Variants in MALRD1 observed in about 807,000 individuals in gnomAD.
MALRD1 encodes the protein MAM and LDL-receptor class A domain-containing protein 1.
In MALRD1, 247 loss-of-function variants were observed where a neutral mutation model predicts 242.1. That is an observed-to-expected ratio of 1.02 (90% CI 0.92 to 1.13). The LOEUF is 1.13. Among genes scored for constraint, MALRD1 ranks in the 50% most tolerant of loss-of-function variants. The pLI, the probability that MALRD1 is intolerant of heterozygous loss-of-function variation, is 0.00. For synonymous variants in MALRD1, 995 were observed against 866.6 expected (o/e 1.15, Z -2.60); for missense variants, 2,989 against 2,533.1 (o/e 1.18, Z -3.86).
chr10:19,121,213 G>A (rs1049515956), intron 5 of MALRD1, among the ~76,000 whole-genome samples: 1 of 151,472 alleles, frequency 6.6e-6, no homozygotes, highest in Non-Finnish European at 1.5e-5. Context: ...GCTAATTTTT[G>A]TATTTTTAGT....
At chr10:19,239,435 C>T (rs1838658957) in intron 18 of MALRD1, among the ~76,000 whole-genome samples, 1 of 151,954 alleles carries the variant, frequency 6.6e-6, no homozygotes, top group African/African-American at 2.4e-5. Context: ...ATATTGTATC[C>T]CATTCTGTAA....
At chr10:19,631,640 C>T (rs1839909792) in intron 36 of MALRD1, among the ~76,000 whole-genome samples, 3 of 152,130 alleles carry the variant, frequency 2.0e-5, no homozygotes, top group Non-Finnish European at 1.5e-5. Flanking sequence ...TTCTCCATAA[C>T]CTCACCAGCA....
chr10:19,158,677 C>T (rs1487862676), intron 12 of MALRD1, among the ~76,000 whole-genome samples: 8 of 152,140 alleles, frequency 5.3e-5, no homozygotes, highest in Admixed American at 4.6e-4. Flanking sequence ...TCACAGTCCT[C>T]GATGCAGGGA....
intron 33 of MALRD1, among the ~76,000 whole-genome samples, chr10:19,585,241 G>C (rs1200485782): frequency 6.6e-6 from 1 of 151,404 alleles, no homozygotes; most frequent in Non-Finnish European, 1.5e-5. Flanking sequence ...AGTTAATATT[G>C]TTATGTGTGA....
At chr10:19,076,906 T>C (rs1835336912) in intron 2 of MALRD1, among the ~76,000 whole-genome samples, 3 of 151,934 alleles carry the variant, frequency 2.0e-5, no homozygotes, top group South Asian at 4.1e-4. Context: ...TGAACAATAT[T>C]AAGTTTTCCA....
At chr10:19,053,405 G>T (rs7907849) in intron 1 of MALRD1, among the ~76,000 whole-genome samples, 1 of 152,048 alleles carries the variant, frequency 6.6e-6, no homozygotes, top group Non-Finnish European at 1.5e-5. Flanking sequence ...CTTGGTTTTG[G>T]TGCTGCTGCT....
chr10:19,228,108 A>G (rs1447291475), intron 18 of MALRD1, among the ~76,000 whole-genome samples: 2 of 151,986 alleles, frequency 1.3e-5, no homozygotes, highest in Non-Finnish European at 2.9e-5. Flanking sequence ...TGCGACTCAG[A>G]ATAATTAAAA....
intron 38 of MALRD1, chr10:19,722,724 A>G (rs1287461472): frequency 6.6e-6 from 1 of 152,008 alleles, no homozygotes; most frequent in East Asian, 1.9e-4. Context: ...GTCAGGAGAA[A>G]GAAGCAGGAA....
At chr10:19,440,592 T>C (rs994395416) in intron 28 of MALRD1, among the ~76,000 whole-genome samples, 9 of 152,004 alleles carry the variant, frequency 5.9e-5, no homozygotes, top group South Asian at 2.1e-4. Context: ...GAACATGCGG[T>C]GTTTGGTTTT....
At chr10:19,109,478 A>T (rs975058753) in intron 5 of MALRD1, among the ~76,000 whole-genome samples, 4 of 152,212 alleles carry the variant, frequency 2.6e-5, no homozygotes, top group Non-Finnish European at 5.9e-5. Flanking sequence ...ATTTGGGGGT[A>T]AAGACATCTC....
intron 18 of MALRD1, among the ~76,000 whole-genome samples, chr10:19,247,796 C>T (rs977527112): frequency 1.3e-5 from 2 of 151,828 alleles, no homozygotes; most frequent in East Asian, 3.9e-4. Context: ...TTTTAAAGAA[C>T]AAAATGTTAT....
chr10:19,611,656 T>C (rs1838902695), intron 35 of MALRD1, among the ~76,000 whole-genome samples: 1 of 152,006 alleles, frequency 6.6e-6, no homozygotes, highest in Non-Finnish European at 1.5e-5. Context: ...TATCTACTTA[T>C]CTCCTGGAAA....
intron 11 of MALRD1, among the ~76,000 whole-genome samples, chr10:19,151,948 G>A (rs936803264): frequency 1.3e-5 from 2 of 152,096 alleles, no homozygotes; most frequent in African/African-American, 2.4e-5. Context: ...AAGTTATAGA[G>A]ACTGGCCTCT....
chr10:19,587,056 A>T (rs1837461425), intron 33 of MALRD1, among the ~76,000 whole-genome samples: 1 of 152,344 alleles, frequency 6.6e-6, no homozygotes, highest in South Asian at 2.1e-4. Context: ...GCTCTTCCCG[A>T]GTGAGGCAAT....
At chr10:19,579,279 T>C (rs1167243259) in intron 33 of MALRD1, among the ~76,000 whole-genome samples, 1 of 152,178 alleles carries the variant, frequency 6.6e-6, no homozygotes, top group African/African-American at 2.4e-5. Flanking sequence ...AGTGGTCTTC[T>C]CTAATGCCCA....
chr10:19,115,266 G>A, intron 5 of MALRD1, among the ~76,000 whole-genome samples: 1 of 152,002 alleles, frequency 6.6e-6, no homozygotes, highest in Non-Finnish European at 1.5e-5. Context: ...ACTGACGCTG[G>A]GACTTTCCCA....
intron 29 of MALRD1, among the ~76,000 whole-genome samples, chr10:19,473,749 C>G (rs1836606530): frequency 1.3e-5 from 2 of 151,984 alleles, no homozygotes; most frequent in African/African-American, 4.8e-5. Flanking sequence ...ATTACTTTTG[C>G]CTTTTGACTA....
chr10:19,589,060 C>T (rs1452509590), intron 33 of MALRD1, among the ~76,000 whole-genome samples: 2 of 151,836 alleles, frequency 1.3e-5, no homozygotes, highest in African/African-American at 2.4e-5. Flanking sequence ...ACATTTTAAG[C>T]GTTGGATTAC....
intron 33 of MALRD1, among the ~76,000 whole-genome samples, chr10:19,587,160 G>A (rs533422627): frequency 6.3e-4 from 96 of 152,210 alleles, no homozygotes; most frequent in Middle Eastern, 3.2e-3. Context: ...CGGTACCTCA[G>A]ATGGAAATGC....
Sources: gnomAD v4.1 joint callset for allele counts (sites outside exome capture counted in the v4.1 genomes callset) on GRCh38, gnomAD v4.1.1 for gene constraint, MANE v1.5 for transcripts, NCBI Gene and HGNC (gene_info 2026-07-23, HGNC 2026-07-21) for gene names.